ADAM9: variants seen among roughly 807,000 people sequenced by gnomAD.
ADAM9 encodes the protein disintegrin and metalloproteinase domain-containing protein 9.
A neutral mutation model predicts 108.1 loss-of-function variants in ADAM9; 54 were observed. The observed-to-expected ratio is 0.50, with a 90% CI of 0.40 to 0.63. ADAM9 has a LOEUF of 0.63. Ranked by LOEUF, ADAM9 falls within the 20% of genes least tolerant of loss-of-function variation. The pLI is 0.00. For synonymous variants in ADAM9, 316 were observed against 336.0 expected (o/e 0.94, Z 0.65); for missense variants, 830 against 997.7 (o/e 0.83, Z 2.26).
chr8:39,018,944 T>G (rs764747978), intron 7 of ADAM9, 26 bp downstream of exon 7: 2 of 1,607,022 alleles, frequency 1.2e-6, no homozygotes, highest in Non-Finnish European at 1.7e-6. Flanking sequence ...ATTTTTCTTC[T>G]TTTCCATGAA....
intron 3 of ADAM9, among the ~76,000 whole-genome samples, chr8:39,012,929 A>G (rs1413646325): frequency 6.6e-6 from 1 of 152,176 alleles, no homozygotes; most frequent in African/African-American, 2.4e-5. Flanking sequence ...CATGTACCCT[A>G]GAACTTAAAG....
Position 38,997,057 on chromosome 8 carries a change from G to C in ADAM9, c.-7G>C. On this transcript the variant is annotated 5_prime_UTR_variant, in exon 1 of 22. Coordinates refer to ENST00000487273, the MANE Select transcript of ADAM9 (RefSeq NM_003816.3). Reference sequence around the variant, plus strand: ...AGTGCTGAGAGGAACCTGCGGAATCGGCCGAGATGGGGTCTGGCGCGCGCT... The same window carrying C: ...AGTGCTGAGAGGAACCTGCGGAATCCGCCGAGATGGGGTCTGGCGCGCGCT... 6.2e-7 allele frequency: 1 copy of C among 1,606,882 alleles called. No homozygotes were observed. The highest frequency in any genetic ancestry group is 8.5e-7 in the Non-Finnish European group (1 of 1,179,494).
At chr8:39,062,245 G>A (rs2129439934) in intron 14 of ADAM9, among the ~76,000 whole-genome samples, 1 of 152,238 alleles carries the variant, frequency 6.6e-6, no homozygotes, top group East Asian at 1.9e-4. Flanking sequence ...CTGGGATAAT[G>A]ATTAATAGTA....
At chr8:39,081,647 G>A (rs940921231) in intron 16 of ADAM9, among the ~76,000 whole-genome samples, 3 of 152,168 alleles carry the variant, frequency 2.0e-5, no homozygotes, top group Admixed American at 6.5e-5. Context: ...ATGGAAAATT[G>A]GAGGAAACAG....
At chr8:39,047,897 A>G (rs982298727) in intron 12 of ADAM9, among the ~76,000 whole-genome samples, 1 of 148,146 alleles carries the variant, frequency 6.8e-6, no homozygotes, top group Non-Finnish European at 1.5e-5. Context: ...TTTTTTTTTT[A>G]ATATAGGTTA....
chr8:39,091,170 C>T, intron 19 of ADAM9, 89 bp from the exon 20 acceptor site: 1 of 1,219,274 alleles, frequency 8.2e-7, no homozygotes, highest in Non-Finnish European at 1.2e-6. Flanking sequence ...CATCATTATT[C>T]TGTATTTGGG....
intron 16 of ADAM9, 80 bp from the exon 17 acceptor site, chr8:39,082,561 G>A: frequency 9.8e-7 from 1 of 1,020,410 alleles, no homozygotes; most frequent in Admixed American, 1.9e-5. Context: ...GAAATAATCT[G>A]TACCCAGGTC....
At chr8:39,090,368 C>T (rs560877370) in intron 19 of ADAM9, among the ~76,000 whole-genome samples, 180 bp downstream of exon 19, 4 of 152,172 alleles carry the variant, frequency 2.6e-5, no homozygotes, top group South Asian at 2.1e-4. Context: ...GATGGGGTTT[C>T]GCCATGTTGC....
Position 39,037,356 on chromosome 8 carries a change from G to T in ADAM9, c.1131-4590G>T, listed in dbSNP as rs987200452. On this transcript the variant is annotated intron_variant, in intron 11 of 21. Transcript: ENST00000487273. ...AAGCCACCACGCCCGGCCTGCCTGC[G>T]CAAGTTCTATGGCCATTGTCTAATT... 4.7e-5 allele frequency among the ~76,000 whole-genome samples: 7 copies of T among 149,450 alleles called. No homozygotes were observed. In the East Asian group the frequency reaches 1.4e-3, roughly 29 times the overall value.
At position 39,061,298 on chromosome 8, in the gene ADAM9, G is replaced by A. The variant is rs555436161; in HGVS notation, c.1591+5526G>A. On this transcript the variant is annotated intron_variant, in intron 14 of 21. Transcript: ENST00000487273. ...GTGTGGCAATTCTGCCAGCTGTTGAGTGTGTCTGTTTCAATTATGCATTCT... is the reference window on the plus strand; with the variant it reads ...GTGTGGCAATTCTGCCAGCTGTTGAATGTGTCTGTTTCAATTATGCATTCT... 2.1e-4 allele frequency among the ~76,000 whole-genome samples: 32 copies of A among 152,308 alleles called. No individual in the cohort carries two copies. The South Asian group carries it at 6.4e-3, about 31-fold the overall frequency.
At chr8:39,056,604 C>A (rs1838131520) in intron 14 of ADAM9, among the ~76,000 whole-genome samples, 1 of 152,154 alleles carries the variant, frequency 6.6e-6, no homozygotes, top group Non-Finnish European at 1.5e-5. Flanking sequence ...CTCTTCACAA[C>A]TAAACTGTAT....
rs1439193435 is a variant in ADAM9, at chr8:39,104,025, G to A, written c.*325G>A. On this transcript the variant is annotated 3_prime_UTR_variant, in exon 22 of 22. Transcript: ENST00000487273. Reference sequence around the variant, plus strand: ...TGATTCTCAAATTAACTGTATTGGTGTAAGAGTTTTGTCATTAAGTGTTTA... The same window carrying A: ...TGATTCTCAAATTAACTGTATTGGTATAAGAGTTTTGTCATTAAGTGTTTA... The A allele has an allele frequency of 7.7e-6, 4 of 519,140 alleles. No homozygotes were observed. The highest frequency in any genetic ancestry group is 1.9e-5 in the African/African-American group (1 of 52,578). 32.2% of individuals were successfully genotyped at this position (519,140 alleles called of 1,614,324 possible). A position where few individuals can be genotyped will look rare whatever the true frequency, so the allele number is the denominator to read the frequency against.
At chr8:39,017,167 C>A in intron 5 of ADAM9, 52 bp from the exon 6 acceptor site, 1 of 1,593,614 alleles carries the variant, frequency 6.3e-7, no homozygotes, top group Non-Finnish European at 8.6e-7. Flanking sequence ...TTTCTGATTC[C>A]TTGTGTATTT....
At chr8:39,096,357 T>TTTAATTAAAAAAAA (rs1466193654) in intron 20 of ADAM9, among the ~76,000 whole-genome samples, 6 of 126,088 alleles carry the variant, frequency 4.8e-5, no homozygotes, top group East Asian at 3.0e-4. Context: ...GTGATATCTT[T>TTTAATTAAAAAAAA]GCAATTACAT....
chr8:39,065,242 A>G (rs1056096585), intron 14 of ADAM9, among the ~76,000 whole-genome samples: 2 of 149,630 alleles, frequency 1.3e-5, no homozygotes, highest in African/African-American at 4.9e-5. Flanking sequence ...TTTCTGAGCA[A>G]CTTCTTCAAC....
chr8:39,018,710 T>C, intron 6 of ADAM9, 143 bp from the exon 7 acceptor site: 1 of 776,836 alleles, frequency 1.3e-6, no homozygotes, highest in Middle Eastern at 2.4e-4. Flanking sequence ...AAAAACATAT[T>C]TTTCACTTTC....
At position 39,012,746 on chromosome 8, in the gene ADAM9, T is replaced by C. The variant is rs1035619369; in HGVS notation, c.254+1030T>C. On this transcript the variant is annotated intron_variant, in intron 3 of 21. Transcript: ENST00000487273. ...TCACTCATAGGTGGGAATTGAACAA[T>C]GAGAACACTTGGACACAGGAAGGGG... is the stretch of plus-strand genomic sequence containing the variant. 3.2e-4 allele frequency among the ~76,000 whole-genome samples: 48 copies of C among 151,952 alleles called. 1 individual carries two copies. The highest frequency in any genetic ancestry group is 1.2e-4 in the Non-Finnish European group (8 of 67,972).
chr8:39,039,205 A>G (rs752999772), intron 11 of ADAM9, among the ~76,000 whole-genome samples: 2 of 152,204 alleles, frequency 1.3e-5, no homozygotes, highest in African/African-American at 4.8e-5. Flanking sequence ...TCCTGCTGCT[A>G]CTTCTGGTAC....
intron 1 of ADAM9, among the ~76,000 whole-genome samples, chr8:39,000,646 G>A (rs1031404491): frequency 2.0e-5 from 3 of 151,396 alleles, no homozygotes; most frequent in Non-Finnish European, 4.4e-5. Flanking sequence ...CTTTTTTTGT[G>A]TGTGGAGAGG....
Sources: gnomAD v4.1 joint callset for allele counts (sites outside exome capture counted in the v4.1 genomes callset) on GRCh38, gnomAD v4.1.1 for gene constraint, MANE v1.5 for transcripts, NCBI Gene and HGNC (gene_info 2026-07-23, HGNC 2026-07-21) for gene names.